The following COL23A1 variants were observed in gnomAD, a reference collection of about 807,000 sequenced individuals.
The protein encoded by COL23A1 is collagen alpha-1(XXIII) chain.
COL23A1 carries 97 observed loss-of-function variants against 99.3 expected under a neutral mutation model. The ratio of observed to expected loss-of-function variants is 0.98; its 90% confidence interval spans 0.83 to 1.16. The LOEUF is 1.16. COL23A1 is among the 50% of genes most tolerant of loss of function. The probability of loss-of-function intolerance (pLI) is 0.00; values close to 1 mark genes in which losing one functional copy is unlikely to be tolerated. For missense variants in COL23A1, 762 were observed against 757.4 expected (o/e 1.01, Z -0.07); for synonymous variants, 320 against 308.2 (o/e 1.04, Z -0.40).
At position 178,526,839 on chromosome 5, in the gene COL23A1, G is replaced by A. The variant is rs137997979; in HGVS notation, c.361+33843C>T. Among the ~76,000 whole-genome samples, 206 of 152,274 alleles carry A rather than the reference G, an allele frequency of 1.4e-3. 1 individual carries two copies. The highest frequency in any genetic ancestry group is 2.5e-3 in the Non-Finnish European group (170 of 68,024). ...GGCTCCATAAATGGCAGCTGTAAGG[G>A]TGAAAGAATGAGTCCATCGCACGCT... On this transcript the variant is annotated intron_variant, in intron 2 of 28. Transcript: ENST00000390654.
At chr5:178,429,279 C>CCCACA (rs1300119070) in intron 2 of COL23A1, among the ~76,000 whole-genome samples, 1 of 152,136 alleles carries the variant, frequency 6.6e-6, no homozygotes, top group Admixed American at 6.5e-5. Flanking sequence ...AGCCCAGCAC[C>CCCACA]CCACACCACA....
intron 2 of COL23A1, among the ~76,000 whole-genome samples, chr5:178,393,513 T>C (rs988987944): frequency 6.6e-6 from 1 of 152,204 alleles, no homozygotes; most frequent in African/African-American, 2.4e-5. Context: ...ATGGTTAAGA[T>C]GGTACATTTT....
intron 3 of COL23A1, among the ~76,000 whole-genome samples, chr5:178,296,252 T>A (rs1315293305): frequency 6.6e-6 from 1 of 152,174 alleles, no homozygotes. Context: ...GCAGCCCAGA[T>A]GAGACGAAGG....
intron 2 of COL23A1, among the ~76,000 whole-genome samples, chr5:178,417,873 T>C (rs992477552): frequency 2.0e-5 from 3 of 152,138 alleles, no homozygotes; most frequent in Admixed American, 6.5e-5. Flanking sequence ...CCAAAGAAAA[T>C]TGCATTTTTT....
rs1047840369 is a variant in COL23A1, at chr5:178,387,600, T to TCCC, written c.362-80684_362-80682dup. Among the ~76,000 whole-genome samples, 1 of 152,140 alleles carries TCCC rather than the reference T, an allele frequency of 6.6e-6. No individual in the cohort carries two copies. The highest frequency in any genetic ancestry group is 1.5e-5 in the Non-Finnish European group (1 of 68,030). ...ACTGTATTTGGGGTTTGCCTGAGCC[T>TCCC]CCCCTCCTGGACCAATAACTTCTAG... On this transcript the variant is annotated intron_variant, in intron 2 of 28. Transcript: ENST00000390654. The surrounding 1 kb of genome is among the most constrained non-coding windows in gnomAD (Gnocchi z 4.7).
chr5:178,535,002 C>A (rs1760859833), intron 2 of COL23A1, among the ~76,000 whole-genome samples: 1 of 136,050 alleles, frequency 7.4e-6, no homozygotes, highest in South Asian at 2.4e-4. Context: ...CAGAGTTTCA[C>A]TTTTGTCGCC....
intron 5 of COL23A1, among the ~76,000 whole-genome samples, chr5:178,275,343 C>T (rs113491139): frequency 1.4e-4 from 21 of 152,282 alleles, no homozygotes; most frequent in African/African-American, 4.3e-4. Flanking sequence ...TCCAAGAGGC[C>T]GGCAGCAGGA....
intron 3 of COL23A1, among the ~76,000 whole-genome samples, chr5:178,294,154 C>T (rs1757608058): frequency 6.6e-6 from 1 of 152,096 alleles, no homozygotes; most frequent in African/African-American, 2.4e-5. Flanking sequence ...CTGACACTTC[C>T]CTCCTCACTG....
At chr5:178,401,868 T>A (rs2127765597) in intron 2 of COL23A1, among the ~76,000 whole-genome samples, 1 of 152,242 alleles carries the variant, frequency 6.6e-6, no homozygotes, top group South Asian at 2.1e-4. Flanking sequence ...CAGGCTGGAG[T>A]GCAATGGCGC....
At chr5:178,417,570 T>C (rs1765382035) in intron 2 of COL23A1, among the ~76,000 whole-genome samples, 1 of 152,094 alleles carries the variant, frequency 6.6e-6, no homozygotes, top group Non-Finnish European at 1.5e-5. Context: ...GAGATATCAT[T>C]ATACAGCAGA....
In COL23A1 at chr5:178,498,255, T is replaced by TATAA. The variant is rs1323770879; in HGVS notation, c.361+62423_361+62426dup. ...ATATATATATATATATATATATATA[T>TATAA]ATAAAAGAACTTAAAAATAAAAAAA... On this transcript the variant is annotated intron_variant, in intron 2 of 28. Transcript: ENST00000390654. Among the ~76,000 whole-genome samples the TATAA allele has an allele frequency of 8.4e-3, 591 of 70,666 alleles. 42 individuals carry two copies. The highest frequency in any genetic ancestry group is 0.032 in the African/African-American group (530 of 16,640). 46.4% of individuals were successfully genotyped at this position (70,666 alleles called of 152,430 possible).
intron 2 of COL23A1, among the ~76,000 whole-genome samples, chr5:178,317,219 G>A (rs2127620371): frequency 6.6e-6 from 1 of 152,252 alleles, no homozygotes; most frequent in Non-Finnish European, 1.5e-5. Flanking sequence ...TATTCTTCAA[G>A]GACTGTGCAG....
intron 2 of COL23A1, among the ~76,000 whole-genome samples, chr5:178,455,684 C>T (rs1425866575): frequency 2.6e-5 from 4 of 152,116 alleles, no homozygotes; most frequent in South Asian, 2.1e-4. Flanking sequence ...GCCACGCGGA[C>T]GGACCGCACC....
chr5:178,448,409 C>T (rs992319849), intron 2 of COL23A1, among the ~76,000 whole-genome samples: 6 of 149,538 alleles, frequency 4.0e-5, no homozygotes, highest in Admixed American at 1.3e-4. Context: ...TAGTGCTAGT[C>T]GCAGTCCGTT....
rs1758333189 is a variant in COL23A1 at position 178,306,018 on chromosome 5, G to A, written c.406+857C>T. 6.6e-6 allele frequency among the ~76,000 whole-genome samples: 1 copy of A among 152,168 alleles called. No homozygotes were observed. Among genetic ancestry groups the A allele is most frequent in the Non-Finnish European group, 1.5e-5 (1 of 68,030 alleles). On this transcript the variant is annotated intron_variant, in intron 3 of 28. Coordinates refer to ENST00000390654, the MANE Select transcript of COL23A1 (RefSeq NM_173465.4). This position sits in a 1 kb window ranked among gnomAD's most constrained non-coding sequence, Gnocchi z 4.1. ...GGACCCGGAGGAGAGGATGTGGCTG[G>A]AGGCAGGGAGAGGACATGGTCAGTG...
At position 178,415,972 on chromosome 5, in the gene COL23A1, G is replaced by A. The variant is rs1765283922; in HGVS notation, c.362-109053C>T. On this transcript the variant is annotated intron_variant, in intron 2 of 28. Coordinates refer to ENST00000390654, the MANE Select transcript of COL23A1 (RefSeq NM_173465.4). This position sits in a 1 kb window ranked among gnomAD's most constrained non-coding sequence, Gnocchi z 4.6. ...GTCAGAGCTGGGCCCTGAAGGATGG[G>A]ACCAGGGAGGGCGGACGAAGCTGGG... Among the ~76,000 whole-genome samples, 1 of 152,160 alleles carries A rather than the reference G, an allele frequency of 6.6e-6. No homozygotes were observed. Among genetic ancestry groups the A allele is most frequent in the Non-Finnish European group, 1.5e-5 (1 of 68,018 alleles).
At chr5:178,362,850 C>T (rs949066527) in intron 2 of COL23A1, among the ~76,000 whole-genome samples, 3 of 151,926 alleles carry the variant, frequency 2.0e-5, no homozygotes, top group South Asian at 2.1e-4. Flanking sequence ...CCCAGCAGCC[C>T]GACCCACCCT....
At position 178,415,207 on chromosome 5, in the gene COL23A1, G is replaced by A. The variant is rs1271155087; in HGVS notation, c.362-108288C>T. On this transcript the variant is annotated intron_variant, in intron 2 of 28. Coordinates refer to ENST00000390654, the MANE Select transcript of COL23A1 (RefSeq NM_173465.4). The surrounding 1 kb of genome is among the most constrained non-coding windows in gnomAD (Gnocchi z 4.6). ...GTCAAGGATCCTGGCATCTTGCTTG[G>A]TGCAATGACACACTCTTTTCTCCAG... 6.6e-6 allele frequency among the ~76,000 whole-genome samples: 1 copy of A among 152,140 alleles called. No homozygotes were observed. Among genetic ancestry groups the A allele is most frequent in the African/African-American group, 2.4e-5 (1 of 41,426 alleles).
At position 178,365,132 on chromosome 5, in the gene COL23A1, T is replaced by TGTGC. The variant is rs1030600716; in HGVS notation, c.362-58217_362-58214dup. On this transcript the variant is annotated intron_variant, in intron 2 of 28. Transcript: ENST00000390654. The surrounding 1 kb of genome is among the most constrained non-coding windows in gnomAD (Gnocchi z 5.2). ...GGGTGGGCTTTATGATGTTGCTGTGTGTGCGTGTGTGTGTGTGTGTGTGTG... is the reference window on the plus strand; with the variant it reads ...GGGTGGGCTTTATGATGTTGCTGTGTGTGCGTGCGTGTGTGTGTGTGTGTGTGTG... Among the ~76,000 whole-genome samples the TGTGC allele has an allele frequency of 8.7e-6, 1 of 114,368 alleles. No individual in the cohort carries two copies. Among genetic ancestry groups the TGTGC allele is most frequent in the East Asian group, 2.3e-4 (1 of 4,438 alleles). 75.0% of individuals were successfully genotyped at this position (114,368 alleles called of 152,430 possible).
Sources: allele counts gnomAD v4.1 joint callset (sites outside exome capture counted in the v4.1 genomes callset), GRCh38; gene constraint gnomAD v4.1.1; non-coding constraint Gnocchi (gnomAD v3.1); transcripts MANE v1.5; gene names NCBI Gene and HGNC (gene_info 2026-07-23, HGNC 2026-07-21).